SERPINI2: variants seen among roughly 807,000 people sequenced by gnomAD.
The protein encoded by SERPINI2 is serpin family I member 2.
A neutral mutation model predicts 47.3 loss-of-function variants in SERPINI2; 48 were observed. The ratio of observed to expected loss-of-function variants is 1.02; its 90% confidence interval spans 0.81 to 1.29. SERPINI2 has a LOEUF of 1.29. SERPINI2 is among the 50% of genes most tolerant of loss of function. The pLI, the probability that SERPINI2 is intolerant of heterozygous loss-of-function variation, is 0.00. For synonymous variants in SERPINI2, 135 were observed against 149.3 expected, an observed-to-expected ratio of 0.90 and a Z score of 0.70; for missense variants, 448 against 456.9, an observed-to-expected ratio of 0.98 and a Z score of 0.18.
At chr3:167,472,002 G>T in intron 1 of SERPINI2, 158 bp from the exon 2 acceptor site, 1 of 560,570 alleles carries the variant, frequency 1.8e-6, no homozygotes, top group Non-Finnish European at 3.2e-6. Context: ...CATCTATTCA[G>T]AAAAATAGTT....
Position 167,469,705 on chromosome 3 carries a change from T to C in SERPINI2, c.247+1883A>G, listed in dbSNP as rs537365380. 7 of 152,264 alleles carry C rather than the reference T, an allele frequency of 4.6e-5. 1 individual carries two copies. The South Asian group carries it at 1.5e-3, about 32-fold the overall frequency. 9.4% of individuals were successfully genotyped at this position (152,264 alleles called of 1,614,324 possible). A position where few individuals can be genotyped will look rare whatever the true frequency, so the allele number is the denominator to read the frequency against. ...GGAGGAGGTAAATTCAGAGCAGATG[T>C]TTTGACAATGAAGTAAAGAAGGAGA... On this transcript the variant is annotated intron_variant, in intron 2 of 8. Transcript: ENST00000264677.
At chr3:167,442,535 G>A (rs9848929) in intron 8 of SERPINI2, among the ~76,000 whole-genome samples, 20,217 of 152,080 alleles carry the variant, frequency 0.13, 1,615 homozygotes, top group East Asian at 0.29. Flanking sequence ...GGTGATGAGC[G>A]TGGTAGAGTT....
At chr3:167,462,251 G>GTTC (rs35180941) in intron 5 of SERPINI2, among the ~76,000 whole-genome samples, 14,796 of 152,158 alleles carry the variant, frequency 0.097, 736 homozygotes, top group Non-Finnish European at 0.11. Flanking sequence ...CATTGAAGTT[G>GTTC]TTCTTGTATT....
At chr3:167,458,631 A>C (rs1234244987) in intron 5 of SERPINI2, among the ~76,000 whole-genome samples, 1 of 152,044 alleles carries the variant, frequency 6.6e-6, no homozygotes, top group Non-Finnish European at 1.5e-5. Flanking sequence ...CATCTTATCA[A>C]TAAGGAACCT....
intron 5 of SERPINI2, among the ~76,000 whole-genome samples, chr3:167,458,075 GAT>G (rs1749852762): frequency 1.3e-5 from 2 of 151,972 alleles, no homozygotes; most frequent in African/African-American, 4.8e-5. Context: ...TTGCATATAG[GAT>G]TTATTCTTCA....
At chr3:167,450,816 G>A (rs960609005) in intron 6 of SERPINI2, among the ~76,000 whole-genome samples, 8 of 152,054 alleles carry the variant, frequency 5.3e-5, no homozygotes, top group Non-Finnish European at 1.2e-4. Flanking sequence ...ACCCAGTTTA[G>A]CAATGGCACC....
Position 167,465,681 on chromosome 3 carries a change from GT to G in SERPINI2, c.479-9del. On this transcript the variant is annotated splice_polypyrimidine_tract_variant and intron_variant, in intron 3 of 8. Coordinates refer to ENST00000264677, the Ensembl canonical transcript of SERPINI2. ...ACATGTCTTTAATTTTTCCTAGGAA[GT>G]GGGTGGAGGAGGAGGTAAGAAGAAA... 1 of 1,601,886 alleles carries G rather than the reference GT, an allele frequency of 6.2e-7. No individual in the cohort carries two copies. The highest frequency in any genetic ancestry group is 8.5e-7 in the Non-Finnish European group (1 of 1,176,248).
At chr3:167,472,816 C>A (rs1456717093) in intron 1 of SERPINI2, among the ~76,000 whole-genome samples, 2 of 151,748 alleles carry the variant, frequency 1.3e-5, no homozygotes, top group Non-Finnish European at 3.0e-5. Context: ...AATATTACCA[C>A]ATATTTGGTA....
intron 7 of SERPINI2, 113 bp downstream of exon 7, chr3:167,449,203 A>G (rs1423714841): frequency 2.7e-6 from 2 of 743,130 alleles, no homozygotes; most frequent in East Asian, 5.2e-5. Context: ...CCTGAAGTGT[A>G]TTAGACAGCA....
intron 5 of SERPINI2, among the ~76,000 whole-genome samples, chr3:167,460,320 T>C (rs189368886): frequency 1.4e-4 from 22 of 152,356 alleles, no homozygotes; most frequent in African/African-American, 5.0e-4. Flanking sequence ...GAGCCTACGT[T>C]GTTTTCTCTC....
At chr3:167,476,343 C>T (rs906041649), upstream of SERPINI2, among the ~76,000 whole-genome samples, 1 of 151,782 alleles carries the variant, frequency 6.6e-6, no homozygotes, top group Non-Finnish European at 1.5e-5. Context: ...CTTTTTTCTT[C>T]TTTTTGTGTT....
At chr3:167,465,589 T>C in exon 4 of SERPINI2, 2 of 1,613,672 alleles carry the variant, frequency 1.2e-6, no homozygotes, top group South Asian at 1.1e-5. Flanking sequence ...CTGTTTCCAA[T>C]CTCCTTTGAA....
At chr3:167,467,226 A>G (rs1356346399) in exon 3 of SERPINI2, 1 of 1,613,150 alleles carries the variant, frequency 6.2e-7, no homozygotes, top group South Asian at 1.1e-5. Flanking sequence ...TTAAATGTAA[A>G]TTCTTGTTTT....
intron 5 of SERPINI2, among the ~76,000 whole-genome samples, chr3:167,456,753 C>G (rs1749805648): frequency 6.6e-6 from 1 of 152,152 alleles, no homozygotes; most frequent in South Asian, 2.1e-4. Context: ...AGACCTTCAT[C>G]AAATTGATTG....
At chr3:167,464,290 A>C (rs1425004392) in intron 5 of SERPINI2, among the ~76,000 whole-genome samples, 1 of 152,110 alleles carries the variant, frequency 6.6e-6, no homozygotes, top group Non-Finnish European at 1.5e-5. Flanking sequence ...CTGTGATTAC[A>C]GTCATGAGCC....
intron 5 of SERPINI2, among the ~76,000 whole-genome samples, chr3:167,453,663 G>A (rs953790322): frequency 6.7e-6 from 1 of 150,140 alleles, no homozygotes. Flanking sequence ...GAGTGGGGGG[G>A]GGTGGGCAAA....
intron 6 of SERPINI2, among the ~76,000 whole-genome samples, chr3:167,451,473 G>A (rs1015018323): frequency 1.3e-5 from 2 of 152,194 alleles, no homozygotes; most frequent in African/African-American, 4.8e-5. Context: ...AGAATTTACT[G>A]TGCTCCTAGC....
chr3:167,459,734 A>T (rs1409744011), intron 5 of SERPINI2, among the ~76,000 whole-genome samples: 1 of 151,510 alleles, frequency 6.6e-6, no homozygotes, highest in Non-Finnish European at 1.5e-5. Context: ...GATATTTTAC[A>T]ACAATATAGA....
At chr3:167,463,905 GC>G (rs1251322532) in intron 5 of SERPINI2, among the ~76,000 whole-genome samples, 1 of 151,816 alleles carries the variant, frequency 6.6e-6, no homozygotes, top group Non-Finnish European at 1.5e-5. Context: ...AGGAAGGAGT[GC>G]TGAGCTCTAG....
Sources: gnomAD v4.1 joint callset for allele counts (sites outside exome capture counted in the v4.1 genomes callset) on GRCh38, gnomAD v4.1.1 for gene constraint, MANE v1.5 for transcripts, NCBI Gene and HGNC (gene_info 2026-07-23, HGNC 2026-07-21) for gene names.